HTR7: variants seen among roughly 807,000 people sequenced by gnomAD.
HTR7 encodes the protein 5-hydroxytryptamine receptor 7, also known as 5-HT-7.
HTR7 carries 16 observed loss-of-function variants against 34.0 expected under a neutral mutation model. That is an observed-to-expected ratio of 0.47 (90% CI 0.32 to 0.71). The LOEUF is 0.71. HTR7 is among the 30% of genes least tolerant of loss of function. The probability of loss-of-function intolerance (pLI) is 0.04; values close to 1 mark genes in which losing one functional copy is unlikely to be tolerated. For missense variants in HTR7, 504 were observed against 625.5 expected, an observed-to-expected ratio of 0.81 and a Z score of 2.07; for synonymous variants, 265 against 260.2, an observed-to-expected ratio of 1.02 and a Z score of -0.18.
At chr10:90,854,370 C>T in intron 1 of HTR7, among the ~76,000 whole-genome samples, 1 of 151,480 alleles carries the variant, frequency 6.6e-6, no homozygotes, top group Non-Finnish European at 1.5e-5. Flanking sequence ...CCTCACTCCC[C>T]CCAAAAAAAC....
chr10:90,841,139 C>T (rs1332178972), intron 1 of HTR7, among the ~76,000 whole-genome samples: 1 of 152,180 alleles, frequency 6.6e-6, no homozygotes, highest in African/African-American at 2.4e-5. Flanking sequence ...GTCAACCTCT[C>T]GGAGCCTCAG....
At chr10:90,833,575 C>A (rs1436266705) in intron 1 of HTR7, among the ~76,000 whole-genome samples, 3 of 152,178 alleles carry the variant, frequency 2.0e-5, no homozygotes, top group Non-Finnish European at 4.4e-5. Context: ...ATTAATCTTA[C>A]ATTGAGGATT....
rs559643741 is a variant in HTR7, at chr10:90,749,750, G to C, written c.540-156C>G. Among the ~76,000 whole-genome samples the C allele has an allele frequency of 2.0e-5, 3 of 152,326 alleles. No individual in the cohort carries two copies. Among genetic ancestry groups the C allele is most frequent in the East Asian group, 3.9e-4 (2 of 5,190 alleles). On this transcript the variant is annotated intron_variant, in intron 1 of 3. Coordinates refer to ENST00000336152, the MANE Select transcript of HTR7 (RefSeq NM_019859.4). This position sits in a 1 kb window ranked among gnomAD's most constrained non-coding sequence, Gnocchi z 4.2. ...TTGCAGAAAGGTAAACTAAGGCTCT[G>C]AGATGTTACCTATTTTATTCCGGGT...
At chr10:90,822,996 A>G (rs1846010598) in intron 1 of HTR7, among the ~76,000 whole-genome samples, 1 of 152,258 alleles carries the variant, frequency 6.6e-6, no homozygotes, top group Non-Finnish European at 1.5e-5. Context: ...CAGATGATGT[A>G]TGGAAATGCC....
intron 1 of HTR7, among the ~76,000 whole-genome samples, chr10:90,831,173 C>T (rs1035365602): frequency 6.6e-6 from 1 of 152,146 alleles, no homozygotes; most frequent in Non-Finnish European, 1.5e-5. Context: ...GTAGTGTGTC[C>T]GGAATTGGTA....
intron 1 of HTR7, among the ~76,000 whole-genome samples, chr10:90,795,519 GAAGT>G (rs1215977769): frequency 1.3e-5 from 2 of 152,170 alleles, no homozygotes; most frequent in African/African-American, 2.4e-5. Context: ...TGTGAAACTA[GAAGT>G]AAGAAGACAG....
chr10:90,849,256 A>C (rs998330483), intron 1 of HTR7, among the ~76,000 whole-genome samples: 1 of 152,218 alleles, frequency 6.6e-6, no homozygotes, highest in African/African-American at 2.4e-5. Flanking sequence ...TTTGCAACGT[A>C]GTTCACCAAT....
chr10:90,754,003 T>C (rs1403785364), intron 1 of HTR7, among the ~76,000 whole-genome samples: 1 of 152,090 alleles, frequency 6.6e-6, no homozygotes, highest in African/African-American at 2.4e-5. Flanking sequence ...GAAGAAATTT[T>C]AATGATTTTA....
chr10:90,809,767 C>T (rs1453283634), intron 1 of HTR7, among the ~76,000 whole-genome samples: 2 of 152,214 alleles, frequency 1.3e-5, no homozygotes, highest in Non-Finnish European at 2.9e-5. Flanking sequence ...AAGTCACGTC[C>T]CATCTGTGCA....
Position 90,749,130 on chromosome 10 carries a change from G to A in HTR7, c.1004C>T (p.Ala335Val), listed in dbSNP as rs755720163. ...AAATGGCAGCCAGCACACGGTAAAG[G>A]CCCCGACGATGATCCCCAGGGTGGT... ...AATTLGIIVG[A>V]FTVCWLPFFL... Residue 335 changes from alanine to valine, a missense_variant, in exon 2 of 4, where the codon GCC becomes GTC. Physicochemically the swap from Ala to Val is moderately conservative, Grantham distance 64. Around this residue, in one of 4 missense-constraint regions of HTR7, gnomAD observed 154 missense variants for 212.1 expected, o/e 0.73. Coordinates refer to ENST00000336152, the MANE Select transcript of HTR7 (RefSeq NM_019859.4). This position sits in a 1 kb window ranked among gnomAD's most constrained non-coding sequence, Gnocchi z 4.2. 3.1e-6 allele frequency: 5 copies of A among 1,614,178 alleles called. No homozygotes were observed. The highest frequency in any genetic ancestry group is 4.2e-6 in the Non-Finnish European group (5 of 1,180,030).
chr10:90,840,753 C>T (rs1238256598), intron 1 of HTR7, among the ~76,000 whole-genome samples: 1 of 152,192 alleles, frequency 6.6e-6, no homozygotes, highest in Non-Finnish European at 1.5e-5. Flanking sequence ...AAGACTTCAC[C>T]TACACCAACC....
chr10:90,747,397 A>G (rs1844657379), intron 2 of HTR7, among the ~76,000 whole-genome samples: 1 of 152,214 alleles, frequency 6.6e-6, no homozygotes, highest in Non-Finnish European at 1.5e-5. Flanking sequence ...TACATGTTCT[A>G]GAACTTAAAA....
chr10:90,856,600 A>G (rs1384474420), intron 1 of HTR7, among the ~76,000 whole-genome samples: 1 of 152,228 alleles, frequency 6.6e-6, no homozygotes. Context: ...CCAGACTTCC[A>G]CAAGCAAGAA....
At chr10:90,843,756 A>G (rs1216702395) in intron 1 of HTR7, among the ~76,000 whole-genome samples, 1 of 152,036 alleles carries the variant, frequency 6.6e-6, no homozygotes, top group Non-Finnish European at 1.5e-5. Context: ...AAAGAATTAA[A>G]TGGGACCAAA....
chr10:90,775,206 G>A (rs1845187042), intron 1 of HTR7, among the ~76,000 whole-genome samples: 1 of 152,116 alleles, frequency 6.6e-6, no homozygotes. Flanking sequence ...TTGAAGTCGA[G>A]GGCCTACTAC....
chr10:90,843,160 C>T (rs1376479953), intron 1 of HTR7, among the ~76,000 whole-genome samples: 1 of 151,742 alleles, frequency 6.6e-6, no homozygotes, highest in Admixed American at 6.6e-5. Context: ...ACTTCCTTCC[C>T]TCCTTTTTTT....
chr10:90,746,837 C>T (rs1296593713), intron 2 of HTR7, among the ~76,000 whole-genome samples: 2 of 152,160 alleles, frequency 1.3e-5, no homozygotes, highest in Non-Finnish European at 2.9e-5. Flanking sequence ...TGCCTTATTT[C>T]CTTCATCTGA....
At chr10:90,848,069 C>CTTTTTTTTTTTTTTTTTTTTTTTTTTT (rs61675028) in intron 1 of HTR7, among the ~76,000 whole-genome samples, 1 of 112,098 alleles carries the variant, frequency 8.9e-6, no homozygotes, top group African/African-American at 3.8e-5. Context: ...TCTCTTTGTT[C>CTTTTTTTTTTTTTTTTTTTTTTTTTTT]TTTTTTTTTT....
At chr10:90,825,530 C>T (rs762847849) in intron 1 of HTR7, among the ~76,000 whole-genome samples, 1 of 152,098 alleles carries the variant, frequency 6.6e-6, no homozygotes, top group Non-Finnish European at 1.5e-5. Context: ...GAGCCAATCC[C>T]AGAGAGATGG....
Sources: gnomAD v4.1 joint callset for allele counts (sites outside exome capture counted in the v4.1 genomes callset) on GRCh38, gnomAD v4.1.1 for gene constraint, gnomAD v4.1.1 regional missense constraint, Gnocchi (gnomAD v3.1) non-coding constraint, MANE v1.5 for transcripts, NCBI Gene and HGNC (gene_info 2026-07-23, HGNC 2026-07-21) for gene names.